The following SPOCK1 variants were observed in gnomAD, a reference collection of about 807,000 sequenced individuals.
SPOCK1 encodes the protein testican-1.
A neutral mutation model predicts 55.3 loss-of-function variants in SPOCK1; 23 were observed. The observed-to-expected ratio is 0.42, with a 90% confidence interval of 0.30 to 0.59. The LOEUF is 0.59. Among genes scored for constraint, SPOCK1 ranks in the 20% least tolerant of loss-of-function variants. The pLI is 0.22. For synonymous variants in SPOCK1, 226 were observed against 221.0 expected (o/e 1.02, Z -0.20); for missense variants, 499 against 552.5 (o/e 0.90, Z 0.97).
At chr5:137,171,278 G>C (rs1754750587) in intron 3 of SPOCK1, among the ~76,000 whole-genome samples, 1 of 152,066 alleles carries the variant, frequency 6.6e-6, no homozygotes, top group African/African-American at 2.4e-5. Context: ...ACATGGAAAG[G>C]CACATGGTCC....
intron 3 of SPOCK1, among the ~76,000 whole-genome samples, chr5:137,167,225 G>C (rs1255696224): frequency 3.3e-5 from 5 of 151,868 alleles, no homozygotes; most frequent in Non-Finnish European, 5.9e-5. Flanking sequence ...AGACCAAGAA[G>C]GTCATTATAT....
chr5:137,485,808 A>G (rs1344895962), intron 2 of SPOCK1, among the ~76,000 whole-genome samples: 2 of 152,242 alleles, frequency 1.3e-5, no homozygotes, highest in East Asian at 3.8e-4. Flanking sequence ...TTCCATTTAT[A>G]CAAGTAAGAA....
intron 2 of SPOCK1, among the ~76,000 whole-genome samples, chr5:137,458,016 G>A (rs550643551): frequency 6.6e-6 from 1 of 152,212 alleles, no homozygotes; most frequent in Non-Finnish European, 1.5e-5. Context: ...ATGTTGAGGT[G>A]TCTTTTAAAG....
At chr5:137,280,297 T>A (rs552818323) in intron 2 of SPOCK1, among the ~76,000 whole-genome samples, 1 of 152,368 alleles carries the variant, frequency 6.6e-6, no homozygotes, top group South Asian at 2.1e-4. Context: ...ATAATACTTC[T>A]ATGTTTTCAT....
intron 3 of SPOCK1, among the ~76,000 whole-genome samples, chr5:137,169,457 C>T (rs1193870006): frequency 1.3e-5 from 2 of 152,062 alleles, no homozygotes; most frequent in East Asian, 1.9e-4. Context: ...AATATATATA[C>T]CTACTACACA....
At chr5:137,427,926 A>G (rs897401047) in intron 2 of SPOCK1, among the ~76,000 whole-genome samples, 2 of 151,536 alleles carry the variant, frequency 1.3e-5, no homozygotes, top group African/African-American at 4.8e-5. Flanking sequence ...AAAAAAAAAA[A>G]AGGCAGAAAC....
At chr5:137,384,563 C>CATATATATATATATATAT (rs368458010) in intron 2 of SPOCK1, among the ~76,000 whole-genome samples, 1 of 133,466 alleles carries the variant, frequency 7.5e-6, no homozygotes, top group African/African-American at 3.5e-5. Flanking sequence ...TACATACATA[C>CATATATATATATATATAT]ATATATATAT....
chr5:137,098,400 C>T (rs570809864), intron 5 of SPOCK1, among the ~76,000 whole-genome samples: 195 of 152,322 alleles, frequency 1.3e-3, no homozygotes, highest in African/African-American at 4.2e-3. Flanking sequence ...CAGAACCAGG[C>T]AGCAACCTGA....
intron 3 of SPOCK1, among the ~76,000 whole-genome samples, chr5:137,212,186 T>G (rs192532628): frequency 6.6e-6 from 1 of 152,274 alleles, no homozygotes; most frequent in African/African-American, 2.4e-5. Flanking sequence ...TAAGTTAAAC[T>G]GTAGGACATC....
At chr5:137,300,946 C>T (rs917593180) in intron 2 of SPOCK1, among the ~76,000 whole-genome samples, 12 of 152,092 alleles carry the variant, frequency 7.9e-5, no homozygotes, top group Admixed American at 7.9e-4. Flanking sequence ...GTTCTGGTGG[C>T]CACTGGGTTT....
At chr5:137,294,493 G>C (rs1000411186) in intron 2 of SPOCK1, among the ~76,000 whole-genome samples, 2 of 152,222 alleles carry the variant, frequency 1.3e-5, no homozygotes, top group Non-Finnish European at 2.9e-5. Context: ...CACCCATGCT[G>C]TCTCCATCAC....
intron 3 of SPOCK1, among the ~76,000 whole-genome samples, chr5:137,257,407 T>G (rs1446347420): frequency 1.3e-5 from 2 of 152,084 alleles, no homozygotes; most frequent in East Asian, 3.9e-4. Context: ...ATTAGTGCCA[T>G]TATCAAAGGA....
At chr5:137,105,073 G>A (rs1276262024) in intron 5 of SPOCK1, among the ~76,000 whole-genome samples, 1 of 152,116 alleles carries the variant, frequency 6.6e-6, no homozygotes, top group Non-Finnish European at 1.5e-5. Context: ...GAGTAGGCAT[G>A]GATGAAATCA....
intron 3 of SPOCK1, among the ~76,000 whole-genome samples, chr5:137,165,928 C>T (rs1037721653): frequency 3.3e-5 from 5 of 151,898 alleles, no homozygotes; most frequent in Non-Finnish European, 5.9e-5. Context: ...AAAATAGCCT[C>T]GAAAGGGCAC....
At chr5:137,492,341 T>C (rs1404640326) in intron 2 of SPOCK1, among the ~76,000 whole-genome samples, 1 of 152,186 alleles carries the variant, frequency 6.6e-6, no homozygotes, top group Non-Finnish European at 1.5e-5. Context: ...AAAACTATGA[T>C]GATGCAGATT....
chr5:137,001,876 T>C (rs1156357050), intron 6 of SPOCK1, among the ~76,000 whole-genome samples: 1 of 152,178 alleles, frequency 6.6e-6, no homozygotes, highest in East Asian at 1.9e-4. Context: ...TGAAGGGATT[T>C]AAAAAACATA....
In SPOCK1 at chr5:137,156,351, T is replaced by G. The variant is rs551653731; in HGVS notation, c.233-15657A>C. On this transcript the variant is annotated intron_variant, in intron 3 of 10. Transcript: ENST00000394945. Reference sequence around the variant, plus strand: ...TAAATTCCAAAAACTCTTCAAACCATCCCTCTCTATCTCAGCAGAGTTTGC... The same window carrying G: ...TAAATTCCAAAAACTCTTCAAACCAGCCCTCTCTATCTCAGCAGAGTTTGC... Among the ~76,000 whole-genome samples, 158 of 152,186 alleles carry G rather than the reference T, an allele frequency of 1.0e-3. 1 individual carries two copies. Among genetic ancestry groups the G allele is most frequent in the African/African-American group, 3.6e-3 (150 of 41,514 alleles).
At chr5:137,460,834 T>C (rs943205038) in intron 2 of SPOCK1, among the ~76,000 whole-genome samples, 2 of 152,144 alleles carry the variant, frequency 1.3e-5, no homozygotes, top group South Asian at 2.1e-4. Context: ...AAACACACCA[T>C]ATTCATTCCC....
chr5:137,140,182 G>A (rs1425086588), intron 4 of SPOCK1, among the ~76,000 whole-genome samples: 3 of 152,140 alleles, frequency 2.0e-5, no homozygotes, highest in Non-Finnish European at 2.9e-5. Context: ...AATGGACCTC[G>A]AAGAATCATC....
Sources: allele counts gnomAD v4.1 joint callset (sites outside exome capture counted in the v4.1 genomes callset), GRCh38; gene constraint gnomAD v4.1.1; transcripts MANE v1.5; gene names NCBI Gene and HGNC (gene_info 2026-07-23, HGNC 2026-07-21).